The following DKK2 variants were observed in gnomAD, a reference collection of about 807,000 sequenced individuals.
DKK2 encodes the protein dickkopf-related protein 2.
A neutral mutation model predicts 28.1 loss-of-function variants in DKK2; 11 were observed. The observed-to-expected ratio is 0.39, with a 90% CI of 0.25 to 0.65. The LOEUF is 0.65. Ranked by LOEUF, DKK2 falls within the 30% of genes least tolerant of loss-of-function variation. The probability of loss-of-function intolerance (pLI) is 0.47; values close to 1 mark genes in which losing one functional copy is unlikely to be tolerated. For missense variants in DKK2, 326 were observed against 335.5 expected (o/e 0.97, Z 0.22); for synonymous variants, 135 against 126.5 (o/e 1.07, Z -0.45).
intron 1 of DKK2, among the ~76,000 whole-genome samples, chr4:106,938,854 C>A (rs2110342860): frequency 6.6e-6 from 1 of 151,212 alleles, no homozygotes; most frequent in Non-Finnish European, 1.5e-5. Context: ...GAGCCAAAGA[C>A]AAAAACCACA....
intron 1 of DKK2, among the ~76,000 whole-genome samples, chr4:106,956,781 C>A (rs1014446441): frequency 6.6e-6 from 1 of 151,536 alleles, no homozygotes; most frequent in African/African-American, 2.4e-5. Flanking sequence ...AAACATTAGA[C>A]CTAAAACCAT....
At chr4:106,941,633 C>T (rs575600019) in intron 1 of DKK2, among the ~76,000 whole-genome samples, 39 of 152,116 alleles carry the variant, frequency 2.6e-4, no homozygotes, top group Non-Finnish European at 4.0e-4. Context: ...TCCTTCTAAT[C>T]GTCACTGGGT....
Position 107,035,401 on chromosome 4 carries a change from C to T in DKK2, c.191G>A (p.Gly64Asp). 6.2e-7 allele frequency: 1 copy of T among 1,614,194 alleles called. No individual in the cohort carries two copies. The highest frequency in any genetic ancestry group is 2.2e-5 in the East Asian group (1 of 44,872). The stretch of plus-strand genomic sequence containing the variant: ...CAGGTTTTTGCCCTTCTTACTGCCG[C>T]CGAATGCCAGTCCTTGGTACATGCC... ...SAGMYQGLAF[G>D]GSKKGKNLGQ... The change falls in exon 1 of 4, where the codon GGC becomes GAC. Residue 64 changes from glycine (G) to aspartate (D), a missense_variant. Gly to Asp is a moderately conservative substitution (Grantham distance 94). Transcript: ENST00000285311.
chr4:106,943,291 A>C (rs1724728947), intron 1 of DKK2, among the ~76,000 whole-genome samples: 1 of 152,078 alleles, frequency 6.6e-6, no homozygotes, highest in African/African-American at 2.4e-5. Context: ...GAGTAAGGAA[A>C]TCATCTTTCA....
intron 1 of DKK2, among the ~76,000 whole-genome samples, chr4:106,995,557 C>T (rs1055981552): frequency 1.3e-5 from 2 of 152,108 alleles, no homozygotes; most frequent in African/African-American, 4.8e-5. Context: ...GGAGGAAAAG[C>T]AAATAATTTT....
At chr4:106,958,986 T>G (rs765593631) in intron 1 of DKK2, among the ~76,000 whole-genome samples, 13 of 152,042 alleles carry the variant, frequency 8.6e-5, no homozygotes, top group Non-Finnish European at 1.2e-4. Flanking sequence ...TTATCTCCAT[T>G]CCTTAGATAA....
At chr4:106,944,653 T>C (rs910858392) in intron 1 of DKK2, among the ~76,000 whole-genome samples, 2 of 152,072 alleles carry the variant, frequency 1.3e-5, no homozygotes, top group Non-Finnish European at 2.9e-5. Context: ...ACTTTCTAGG[T>C]TAAATTTCCT....
chr4:106,979,783 C>T (rs17037164), intron 1 of DKK2, among the ~76,000 whole-genome samples: 2,191 of 152,304 alleles, frequency 0.014, 56 homozygotes, highest in African/African-American at 0.051. Flanking sequence ...TACTCAAACT[C>T]GCTGCACTCA....
At chr4:106,950,437 C>G (rs1451226295) in intron 1 of DKK2, among the ~76,000 whole-genome samples, 1 of 152,184 alleles carries the variant, frequency 6.6e-6, no homozygotes, top group Non-Finnish European at 1.5e-5. Context: ...ATATTCTCAA[C>G]ACAGCAGCCC....
intron 1 of DKK2, among the ~76,000 whole-genome samples, chr4:107,031,178 T>C (rs1346504278): frequency 1.3e-5 from 2 of 152,000 alleles, no homozygotes; most frequent in Admixed American, 1.3e-4. Flanking sequence ...TTCCTTTATT[T>C]TTTAAAATTT....
Position 107,035,441 on chromosome 4 carries a change from C to T in DKK2, c.151G>A (p.Ala51Thr), listed in dbSNP as rs756982602. ...TGGTACATGCCCGCAGATCGATTGG[C>T]GGCCTGACCAGGCGTCTCCCCGCCC... is the stretch of plus-strand genomic sequence containing the variant. ...SLGGETPGQA[A>T]NRSAGMYQGL... Residue 51 changes from alanine to threonine, a missense_variant, in exon 1 of 4, where the codon GCC (alanine) becomes ACC (threonine). Ala to Thr is a moderately conservative substitution (Grantham distance 58). Transcript: ENST00000285311. 7 of 1,614,182 alleles carry T rather than the reference C, an allele frequency of 4.3e-6. No homozygotes were observed. In the South Asian group the frequency reaches 5.5e-5, roughly 13 times the overall value.
intron 1 of DKK2, among the ~76,000 whole-genome samples, chr4:107,013,780 C>A (rs1723548302): frequency 1.3e-5 from 2 of 151,390 alleles, no homozygotes; most frequent in Admixed American, 6.6e-5. Flanking sequence ...AAAATATGTG[C>A]AAACTATGCA....
At chr4:106,969,214 T>G (rs1313314615) in intron 1 of DKK2, among the ~76,000 whole-genome samples, 3 of 151,756 alleles carry the variant, frequency 2.0e-5, no homozygotes, top group Non-Finnish European at 4.4e-5. Flanking sequence ...ACTTCTCGCC[T>G]CCAGTTTGGG....
At chr4:106,985,549 C>CTGTA (rs1207481209) in intron 1 of DKK2, among the ~76,000 whole-genome samples, 1 of 152,034 alleles carries the variant, frequency 6.6e-6, no homozygotes, top group Non-Finnish European at 1.5e-5. Context: ...TGGCTCAGGC[C>CTGTA]TGTAATCCCA....
rs112982287 is a variant in DKK2, at chr4:106,929,955, A to G, written c.223-4006T>C. Among the ~76,000 whole-genome samples the G allele has an allele frequency of 4.4e-3, 668 of 152,272 alleles. 5 individuals carry two copies. The highest frequency in any genetic ancestry group is 0.015 in the African/African-American group (644 of 41,568). ...GCAATTAATAGTGAGAGTTTAAAGGATACATCGACAAGGTGACTGAGTGGT... is the reference window on the plus strand; with the variant it reads ...GCAATTAATAGTGAGAGTTTAAAGGGTACATCGACAAGGTGACTGAGTGGT... On this transcript the variant is annotated intron_variant, in intron 1 of 3. Coordinates refer to ENST00000285311, the MANE Select transcript of DKK2 (RefSeq NM_014421.3).
chr4:106,947,715 C>T (rs1724799092), intron 1 of DKK2, among the ~76,000 whole-genome samples: 1 of 150,180 alleles, frequency 6.7e-6, no homozygotes, highest in Non-Finnish European at 1.5e-5. Flanking sequence ...TGCTCTGTCA[C>T]CCAGGCTGGA....
Position 107,029,557 on chromosome 4 carries a change from G to A in DKK2, c.222+5813C>T, listed in dbSNP as rs142371092. Among the ~76,000 whole-genome samples, 320 of 152,202 alleles carry A rather than the reference G, an allele frequency of 2.1e-3. 1 individual carries two copies. Among genetic ancestry groups the A allele is most frequent in the Non-Finnish European group, 3.2e-3 (218 of 67,988 alleles). On this transcript the variant is annotated intron_variant, in intron 1 of 3. Coordinates refer to ENST00000285311, the MANE Select transcript of DKK2 (RefSeq NM_014421.3). Reference sequence around the variant, plus strand: ...CCTTTATTATAAGTTATTGTGTGCCGTAAGTTCTTGCAAGCTAGTTTAAGG... The same window carrying A: ...CCTTTATTATAAGTTATTGTGTGCCATAAGTTCTTGCAAGCTAGTTTAAGG...
intron 1 of DKK2, among the ~76,000 whole-genome samples, chr4:107,018,133 A>G (rs1723636730): frequency 6.6e-6 from 1 of 152,104 alleles, no homozygotes; most frequent in Admixed American, 6.6e-5. Context: ...AGTCTGAGCC[A>G]GAGGATTATG....
chr4:106,929,514 C>G (rs1250671457), intron 1 of DKK2, among the ~76,000 whole-genome samples: 7 of 152,086 alleles, frequency 4.6e-5, no homozygotes, highest in Admixed American at 2.0e-4. Flanking sequence ...ATTCAGGACA[C>G]CTAATAATAG....
Sources: gnomAD v4.1 joint callset for allele counts (sites outside exome capture counted in the v4.1 genomes callset) on GRCh38, gnomAD v4.1.1 for gene constraint, MANE v1.5 for transcripts, NCBI Gene and HGNC (gene_info 2026-07-23, HGNC 2026-07-21) for gene names.